Variants in PTPRE observed in about 807,000 individuals in gnomAD.
PTPRE encodes the protein receptor-type tyrosine-protein phosphatase epsilon.
A neutral mutation model predicts 102.0 loss-of-function variants in PTPRE; 51 were observed. That is an observed-to-expected ratio of 0.50 (90% CI 0.40 to 0.63). The LOEUF is 0.63. Ranked by LOEUF, PTPRE falls within the 30% of genes least tolerant of loss-of-function variation. The pLI, the probability that PTPRE is intolerant of heterozygous loss-of-function variation, is 0.00. For synonymous variants in PTPRE, 345 were observed against 348.2 expected (o/e 0.99, Z 0.10); for missense variants, 752 against 915.1 (o/e 0.82, Z 2.30).
At chr10:127,928,705 A>G (rs1847206905) in intron 1 of PTPRE, among the ~76,000 whole-genome samples, 1 of 152,250 alleles carries the variant, frequency 6.6e-6, no homozygotes, top group Admixed American at 6.5e-5. Context: ...GGAGGTGTTT[A>G]CTTGGAAATT....
At chr10:127,951,522 T>C (rs1849022220) in intron 1 of PTPRE, among the ~76,000 whole-genome samples, 1 of 152,132 alleles carries the variant, frequency 6.6e-6, no homozygotes, top group Non-Finnish European at 1.5e-5. Context: ...TGTCAGGTGA[T>C]CAATAGAGTT....
chr10:127,925,366 C>T (rs929852319), intron 1 of PTPRE, among the ~76,000 whole-genome samples: 3 of 152,248 alleles, frequency 2.0e-5, no homozygotes, highest in Non-Finnish European at 2.9e-5. Context: ...ATGGCTGGCT[C>T]TTTCCAAACA....
intron 1 of PTPRE, among the ~76,000 whole-genome samples, chr10:127,918,137 TC>T (rs1298484004): frequency 6.6e-6 from 1 of 152,028 alleles, no homozygotes; most frequent in East Asian, 1.9e-4. Flanking sequence ...CTCGAGAAGC[TC>T]CATGAGGTGA....
chr10:127,937,439 A>G (rs1027167239), intron 1 of PTPRE, among the ~76,000 whole-genome samples: 2 of 152,186 alleles, frequency 1.3e-5, no homozygotes, highest in African/African-American at 4.8e-5. Flanking sequence ...GGTTCTAGTG[A>G]TTACCCACAC....
chr10:128,066,346 T>C (rs1850088331), intron 11 of PTPRE, 152 bp downstream of exon 11: 2 of 1,298,090 alleles, frequency 1.5e-6, no homozygotes, highest in African/African-American at 1.5e-5. Flanking sequence ...CAGGCTGTGA[T>C]AGGCAGACAT....
chr10:128,014,466 G>A (rs1374132617), intron 2 of PTPRE, among the ~76,000 whole-genome samples: 1 of 152,036 alleles, frequency 6.6e-6, no homozygotes, highest in Non-Finnish European at 1.5e-5. Flanking sequence ...ACCCCTGTTG[G>A]GCTGGGCCAA....
intron 1 of PTPRE, chr10:127,935,005 C>T (rs990082135): frequency 6.6e-6 from 1 of 152,300 alleles, no homozygotes; most frequent in Non-Finnish European, 1.5e-5. Flanking sequence ...CTGTCCGTGC[C>T]TCTACATACC....
chr10:127,960,094 C>T (rs746859697), intron 1 of PTPRE, among the ~76,000 whole-genome samples: 1 of 152,156 alleles, frequency 6.6e-6, no homozygotes, highest in Non-Finnish European at 1.5e-5. Flanking sequence ...GAATGGCAGA[C>T]GCAGGTCAGA....
At chr10:128,012,145 C>T (rs138875392) in intron 2 of PTPRE, among the ~76,000 whole-genome samples, 1,625 of 152,112 alleles carry the variant, frequency 0.011, 37 homozygotes, top group African/African-American at 0.037. Flanking sequence ...GTCCACCTGT[C>T]TCCTGGCTCA....
chr10:127,914,747 C>G (rs1301347393), intron 1 of PTPRE, among the ~76,000 whole-genome samples: 1 of 152,222 alleles, frequency 6.6e-6, no homozygotes, highest in Non-Finnish European at 1.5e-5. Flanking sequence ...AGAGAAAGCA[C>G]TTCTCAGATG....
chr10:128,006,351 C>T (rs1036355430), intron 2 of PTPRE, among the ~76,000 whole-genome samples: 6 of 152,202 alleles, frequency 3.9e-5, no homozygotes, highest in Non-Finnish European at 7.3e-5. Context: ...AGACAAGGTT[C>T]AACCTGAGCA....
intron 2 of PTPRE, among the ~76,000 whole-genome samples, chr10:128,019,633 C>CCATCCATCCATCCATCCATTCATT (rs577601998): frequency 2.7e-5 from 4 of 147,354 alleles, no homozygotes; most frequent in Middle Eastern, 3.4e-3. Flanking sequence ...CTATGTCAGC[C>CCATCCATCCATCCATCCATTCATT]CATTCATTCA....
chr10:128,017,541 C>A (rs1564887379), intron 2 of PTPRE, among the ~76,000 whole-genome samples: 6 of 152,042 alleles, frequency 3.9e-5, no homozygotes, highest in Admixed American at 1.3e-4. Context: ...ACAGGCACAG[C>A]CTTCCCCACC....
intron 2 of PTPRE, among the ~76,000 whole-genome samples, chr10:128,033,348 C>T (rs1460213168): frequency 6.6e-6 from 1 of 152,182 alleles, no homozygotes; most frequent in Admixed American, 6.5e-5. Context: ...GCCAGTGTTA[C>T]ATCAGTGTCA....
At chr10:127,951,782 C>T (rs1313604302) in intron 1 of PTPRE, among the ~76,000 whole-genome samples, 2 of 152,186 alleles carry the variant, frequency 1.3e-5, no homozygotes, top group South Asian at 4.1e-4. Context: ...AGATTAGTGC[C>T]ACCATCAAGG....
chr10:127,990,199 G>C (rs1852489815), intron 2 of PTPRE, among the ~76,000 whole-genome samples: 1 of 151,966 alleles, frequency 6.6e-6, no homozygotes, highest in Non-Finnish European at 1.5e-5. Context: ...ATCACTTGAG[G>C]TCAGGAGTTT....
chr10:128,076,754 G>A (rs573220333), intron 18 of PTPRE, 26 bp downstream of exon 18: 7 of 1,608,938 alleles, frequency 4.4e-6, no homozygotes, highest in African/African-American at 2.7e-5. Flanking sequence ...CTCTTTAAAC[G>A]CTTGTGAATT....
intron 1 of PTPRE, among the ~76,000 whole-genome samples, chr10:127,925,411 A>C (rs1414921514): frequency 1.3e-5 from 2 of 151,796 alleles, no homozygotes; most frequent in East Asian, 3.9e-4. Context: ...TTCTTTTCTG[A>C]CCCCGGGTGG....
intron 2 of PTPRE, chr10:127,999,774 T>C: frequency 1.0e-6 from 1 of 985,454 alleles, no homozygotes; most frequent in Non-Finnish European, 1.2e-6. Context: ...GGTGACATAG[T>C]GTGAGTGCCG....
Sources: allele counts gnomAD v4.1 joint callset (sites outside exome capture counted in the v4.1 genomes callset), GRCh38; gene constraint gnomAD v4.1.1; transcripts MANE v1.5; gene names NCBI Gene and HGNC (gene_info 2026-07-23, HGNC 2026-07-21).